The following SLC26A4 variants were observed in gnomAD, a reference collection of about 807,000 sequenced individuals.
SLC26A4 encodes solute carrier family 26 member 4, also known as pendrin.
SLC26A4 carries 93 observed loss-of-function variants against 90.4 expected under a neutral mutation model. That is an observed-to-expected ratio of 1.03 (90% CI 0.87 to 1.22). The LOEUF (loss-of-function observed/expected upper bound fraction) is 1.22, where lower values mean the gene tolerates loss of function less well. SLC26A4 is among the 50% of genes most tolerant of loss of function. SLC26A4 has a pLI of 0.00. For synonymous variants in SLC26A4, 393 were observed against 354.6 expected (o/e 1.11, Z -1.22); for missense variants, 1,127 against 946.2 (o/e 1.19, Z -2.51).
chr7:107,707,090 T>C (rs2129319326), intron 18 of SLC26A4, among the ~76,000 whole-genome samples: 1 of 152,232 alleles, frequency 6.6e-6, no homozygotes, highest in Admixed American at 6.5e-5. Context: ...TGAGCCCAGA[T>C]GGTGCCACTG....
At chr7:107,688,535 A>G (rs989078953) in intron 8 of SLC26A4, among the ~76,000 whole-genome samples, 8 of 152,164 alleles carry the variant, frequency 5.3e-5, no homozygotes, top group Non-Finnish European at 8.8e-5. Flanking sequence ...ACATTAATTT[A>G]ATCTTTTTTG....
chr7:107,673,688 A>G (rs573467543), intron 4 of SLC26A4, among the ~76,000 whole-genome samples: 33 of 152,126 alleles, frequency 2.2e-4, no homozygotes, highest in African/African-American at 8.0e-4. Flanking sequence ...TCTCTCGCCT[A>G]TTTCTAGGTC....
At chr7:107,693,067 C>T (rs1201174001) in intron 10 of SLC26A4, 3 of 152,948 alleles carry the variant, frequency 2.0e-5, no homozygotes, top group Non-Finnish European at 1.4e-5. Context: ...TCGGTAAATA[C>T]TGGTTGAGTA....
chr7:107,689,223 C>A (rs761075460), intron 9 of SLC26A4, 23 bp downstream of exon 9: 2 of 1,612,484 alleles, frequency 1.2e-6, no homozygotes, highest in Admixed American at 1.7e-5. Context: ...TTTTGCTGAA[C>A]TGGTTTTATA....
At chr7:107,682,984 G>GTA (rs201009187) in intron 6 of SLC26A4, among the ~76,000 whole-genome samples, 107 of 152,046 alleles carry the variant, frequency 7.0e-4, no homozygotes, top group South Asian at 1.5e-3. Flanking sequence ...AAAACTTGGT[G>GTA]TATATATATA....
At chr7:107,672,781 G>A (rs775304783) in intron 4 of SLC26A4, among the ~76,000 whole-genome samples, 1 of 152,122 alleles carries the variant, frequency 6.6e-6, no homozygotes, top group African/African-American at 2.4e-5. Flanking sequence ...GCTAAGCTTG[G>A]CTTTCTTTCT....
chr7:107,690,940 C>T (rs1035412453), intron 10 of SLC26A4, among the ~76,000 whole-genome samples: 24 of 151,860 alleles, frequency 1.6e-4, no homozygotes, highest in Admixed American at 1.2e-3. Flanking sequence ...AGGACACAGT[C>T]GAAGAGACCA....
intron 3 of SLC26A4, among the ~76,000 whole-genome samples, chr7:107,671,162 C>CT (rs912172530): frequency 9.3e-5 from 14 of 150,436 alleles, no homozygotes; most frequent in African/African-American, 2.0e-4. Flanking sequence ...TTGACCAAAA[C>CT]TTTTTTTTTT....
At chr7:107,705,452 G>A (rs942294574) in intron 18 of SLC26A4, among the ~76,000 whole-genome samples, 3 of 152,176 alleles carry the variant, frequency 2.0e-5, no homozygotes, top group African/African-American at 7.2e-5. Context: ...TTTATAGTAT[G>A]CTCCTTAGCC....
chr7:107,717,777 T>G lies in SLC26A4; in HGVS notation c.*2331T>G, dbSNP rs1455001711. ...TAAAAATAAATGTAAAGTTGTCTTT[T>G]AAACTACTCGGATGTGTCCTTTCTG... is the stretch of plus-strand genomic sequence containing the variant. On this transcript the variant is annotated 3_prime_UTR_variant, in exon 21 of 21. Coordinates refer to ENST00000644269, the MANE Select transcript of SLC26A4 (RefSeq NM_000441.2). 6.6e-6 allele frequency: 1 copy of G among 152,610 alleles called. No homozygotes were observed. The highest frequency in any genetic ancestry group is 1.5e-5 in the Non-Finnish European group (1 of 68,018). 9.5% of individuals were successfully genotyped at this position (152,610 alleles called of 1,614,324 possible).
At chr7:107,706,297 G>C (rs999922413) in intron 18 of SLC26A4, among the ~76,000 whole-genome samples, 4 of 152,076 alleles carry the variant, frequency 2.6e-5, no homozygotes, top group African/African-American at 9.7e-5. Flanking sequence ...AATTTGCTTT[G>C]CCAAGCCTGG....
chr7:107,704,366 G>A lies in SLC26A4; in HGVS notation c.2070G>A (p.Val690=), dbSNP rs374686650. 24 of 1,397,064 alleles carry A rather than the reference G, an allele frequency of 1.7e-5. No individual in the cohort carries two copies. The highest frequency in any genetic ancestry group is 4.1e-6 in the Non-Finnish European group (4 of 986,488). 86.5% of individuals were successfully genotyped at this position (1,397,064 alleles called of 1,614,324 possible). The change falls in exon 18 of 21, where the codon GTG becomes GTA. Residue 690 remains valine, a synonymous_variant. Coordinates refer to ENST00000644269, the MANE Select transcript of SLC26A4 (RefSeq NM_000441.2). The part of the protein sequence containing the change: ...VKEFQRIDVN[V]YFASLQDYVI... ...AATTCCAAAGAATTGATGTGAATGTGTATTTTGCATCACTTCAAGGTAAAT... is the reference window on the plus strand; with the variant it reads ...AATTCCAAAGAATTGATGTGAATGTATATTTTGCATCACTTCAAGGTAAAT...
At chr7:107,670,746 G>T (rs186872980) in intron 3 of SLC26A4, among the ~76,000 whole-genome samples, 2 of 152,298 alleles carry the variant, frequency 1.3e-5, no homozygotes, top group Admixed American at 1.3e-4. Flanking sequence ...TGACTCAAGA[G>T]TGAAAAGGCT....
At chr7:107,675,863 C>G (rs528719562) in intron 6 of SLC26A4, among the ~76,000 whole-genome samples, 2 of 151,400 alleles carry the variant, frequency 1.3e-5, no homozygotes, top group South Asian at 4.2e-4. Context: ...TGAGCCACCG[C>G]GCCCGGCCTG....
intron 8 of SLC26A4, among the ~76,000 whole-genome samples, chr7:107,686,467 C>CTTTCTTTTTCTTTCTTTCTT (rs1791423666): frequency 3.0e-5 from 1 of 33,614 alleles, no homozygotes; most frequent in Admixed American, 3.0e-4. Context: ...TCTTTCTTTC[C>CTTTCTTTTTCTTTCTTTCTT]TTCTTTCTTT....
intron 15 of SLC26A4, among the ~76,000 whole-genome samples, 153 bp downstream of exon 15, chr7:107,700,328 CA>C (rs764863214): frequency 2.0e-5 from 3 of 152,062 alleles, no homozygotes; most frequent in Non-Finnish European, 2.9e-5. Context: ...TCCTTGCCTT[CA>C]AATAATTTAC....
chr7:107,681,639 T>C (rs1369706016), intron 6 of SLC26A4, among the ~76,000 whole-genome samples: 2 of 152,182 alleles, frequency 1.3e-5, no homozygotes, highest in African/African-American at 4.8e-5. Context: ...AATCCTGCCT[T>C]CTACAGGACT....
At chr7:107,694,113 G>C (rs768361469) in intron 10 of SLC26A4, among the ~76,000 whole-genome samples, 20 of 152,120 alleles carry the variant, frequency 1.3e-4, no homozygotes, top group Non-Finnish European at 2.8e-4. Context: ...CGAAACCGCA[G>C]GTGTGTACTA....
chr7:107,709,349 T>C (rs1792118605), intron 18 of SLC26A4, among the ~76,000 whole-genome samples: 1 of 152,240 alleles, frequency 6.6e-6, no homozygotes, highest in Non-Finnish European at 1.5e-5. Flanking sequence ...TGTGGCTCAC[T>C]GCAGCCTCAA....
Sources: allele counts gnomAD v4.1 joint callset (sites outside exome capture counted in the v4.1 genomes callset), GRCh38; gene constraint gnomAD v4.1.1; transcripts MANE v1.5; gene names NCBI Gene and HGNC (gene_info 2026-07-23, HGNC 2026-07-21).